POP5: variants seen among roughly 807,000 people sequenced by gnomAD.
POP5 encodes the protein POP5 ribonuclease P/MRP subunit.
In POP5, 18 loss-of-function variants were observed where a neutral mutation model predicts 20.7. The ratio of observed to expected loss-of-function variants is 0.87; its 90% CI spans 0.60 to 1.29. The LOEUF (loss-of-function observed/expected upper bound fraction) is 1.29. Ranked by LOEUF, POP5 falls within the 50% of genes most tolerant of loss-of-function variation. The probability of loss-of-function intolerance (pLI) is 0.00; values close to 1 mark genes in which losing one functional copy is unlikely to be tolerated. For missense variants in POP5, 200 were observed against 203.2 expected (o/e 0.98, Z 0.10); for synonymous variants, 91 against 78.0 (o/e 1.17, Z -0.88).
At position 120,579,578 on chromosome 12, in the gene POP5, C is replaced by T. The variant is rs920666893; in HGVS notation, c.333G>A (p.Gln111=). 1.9e-6 allele frequency: 3 copies of T among 1,613,696 alleles called. No homozygotes were observed. The highest frequency in any genetic ancestry group is 1.3e-5 in the African/African-American group (1 of 74,934). The part of the protein sequence containing the change: ...LHVGGTIRTC[Q]KFLIQYNRRQ... ...TCCTGTTGTACTGAATTAGGAACTT[C>T]TGACATGTTCTTATTGTACCTGGCA... The change falls in exon 4 of 5, where the codon CAG becomes CAA. Residue 111 remains glutamine, a synonymous_variant. Coordinates refer to ENST00000357500, the MANE Select transcript of POP5 (RefSeq NM_015918.4).
intron 2 of POP5, 84 bp downstream of exon 2, chr12:120,581,031 G>C: frequency 6.4e-7 from 1 of 1,556,670 alleles, no homozygotes. Flanking sequence ...GGCCACTCGT[G>C]CCCCTTCTTT....
intron 3 of POP5, 38 bp from the exon 4 acceptor site, chr12:120,579,635 G>C (rs944735386): frequency 1.3e-6 from 2 of 1,590,064 alleles, no homozygotes; most frequent in Admixed American, 1.7e-5. Context: ...GCTTGTGAAA[G>C]ATCTCGACCT....
At chr12:120,580,655 G>C (rs572454250) in intron 2 of POP5, 2 of 162,660 alleles carry the variant, frequency 1.2e-5, no homozygotes, top group Admixed American at 1.2e-4. Flanking sequence ...TGAAAGAAGG[G>C]CCCCTCTGTC....
intron 2 of POP5, 140 bp from the exon 3 acceptor site, chr12:120,580,063 G>A: frequency 1.4e-6 from 1 of 712,244 alleles, no homozygotes; most frequent in South Asian, 1.8e-5. Flanking sequence ...CCAACATGAT[G>A]AAACCCCGTC....
intron 3 of POP5, 30 bp from the exon 4 acceptor site, chr12:120,579,627 T>A (rs771618019): frequency 3.1e-6 from 5 of 1,596,192 alleles, no homozygotes; most frequent in Non-Finnish European, 3.4e-6. Context: ...GGTCAACAGC[T>A]TGTGAAAGAT....
Position 120,581,387 on chromosome 12 carries a change from G to GTT in POP5, c.-26_-25insAA. 1 of 1,606,924 alleles carries GTT rather than the reference G, an allele frequency of 6.2e-7. No homozygotes were observed. The highest frequency in any genetic ancestry group is 8.5e-7 in the Non-Finnish European group (1 of 1,176,964). On this transcript the variant is annotated 5_prime_UTR_variant, in exon 1 of 5. Coordinates refer to ENST00000357500, the MANE Select transcript of POP5 (RefSeq NM_015918.4). ...TGGCTGCCTCCGCGCTCTCCGGTCC[G>GTT]GCGTGCAAACCGGATGTGAATTCTG...
Position 120,579,241 on chromosome 12 carries a change from T to C in POP5, c.*77A>G. The C allele has an allele frequency of 1.5e-6, 2 of 1,303,360 alleles. No homozygotes were observed. Among genetic ancestry groups the C allele is most frequent in the Non-Finnish European group, 2.2e-6 (2 of 899,306 alleles). 80.7% of individuals were successfully genotyped at this position (1,303,360 alleles called of 1,614,324 possible). ...GTTTGGAAAACTGTGGAAGATGCTG[T>C]TGCTACCCAGATTGTTCTGTTCAAC... is the stretch of plus-strand genomic sequence containing the variant. On this transcript the variant is annotated 3_prime_UTR_variant, in exon 5 of 5. Coordinates refer to ENST00000357500, the MANE Select transcript of POP5 (RefSeq NM_015918.4).
chr12:120,580,957 C>G, intron 2 of POP5, 158 bp downstream of exon 2: 1 of 1,190,718 alleles, frequency 8.4e-7, no homozygotes, highest in East Asian at 2.4e-5. Flanking sequence ...CTGCTAATTT[C>G]GGACTCTCGC....
rs746553887 is a variant in POP5 at position 120,579,483 on chromosome 12, G to A, written c.397+31C>T. On this transcript the variant is annotated intron_variant, in intron 4 of 4. Coordinates refer to ENST00000357500, the MANE Select transcript of POP5 (RefSeq NM_015918.4). The stretch of plus-strand genomic sequence containing the variant: ...TTTCTTCAGCTTAAGGTCAGTCACT[G>A]CTCAGTGGGCACTGGGCTAGTGTTG... The A allele has an allele frequency of 4.4e-6, 7 of 1,608,186 alleles. No homozygotes were observed. In the South Asian group the frequency reaches 7.7e-5, roughly 18 times the overall value.
rs116125274 is a variant in POP5 at position 120,579,092 on chromosome 12, A to C, written c.*226T>G. On this transcript the variant is annotated 3_prime_UTR_variant, in exon 5 of 5. Coordinates refer to ENST00000357500, the MANE Select transcript of POP5 (RefSeq NM_015918.4). ...TATTAAATCTACTCTTAGCCAAGCA[A>C]TAAAGATGTCTACAGAGTTCACAAC... The C allele has an allele frequency of 5.2e-6, 3 of 579,396 alleles. No individual in the cohort carries two copies. In the South Asian group the frequency reaches 6.3e-5, roughly 12 times the overall value. 35.9% of individuals were successfully genotyped at this position (579,396 alleles called of 1,614,324 possible).
In POP5 at chr12:120,579,557, G is replaced by A. The variant is rs753854987; in HGVS notation, c.354C>T (p.Asn118=). 3 of 1,614,106 alleles carry A rather than the reference G, an allele frequency of 1.9e-6. No homozygotes were observed. The highest frequency in any genetic ancestry group is 1.6e-4 in the Middle Eastern group (1 of 6,062). The part of the protein sequence containing the change: ...RTCQKFLIQY[N]RRQLLILLQN... ...GCAACAAGATCAACAGCTGTCTCCTGTTGTACTGAATTAGGAACTTCTGAC... is the reference window on the plus strand; with the variant it reads ...GCAACAAGATCAACAGCTGTCTCCTATTGTACTGAATTAGGAACTTCTGAC... The change falls in exon 4 of 5, where the codon AAC becomes AAT. Residue 118 remains asparagine (N), a synonymous_variant. Transcript: ENST00000357500.
At chr12:120,580,257 T>C (rs887729042) in intron 2 of POP5, 5 of 239,754 alleles carry the variant, frequency 2.1e-5, no homozygotes, top group Non-Finnish European at 3.3e-5. Flanking sequence ...AGGAAAACTT[T>C]GGAGTAACAG....
In POP5 at chr12:120,579,552, C is replaced by T. The variant is rs1158619155; in HGVS notation, c.359G>A (p.Arg120Lys). 1.9e-6 allele frequency: 3 copies of T among 1,614,172 alleles called. No homozygotes were observed. Among genetic ancestry groups the T allele is most frequent in the Non-Finnish European group, 2.5e-6 (3 of 1,179,986 alleles). Residue 120 changes from arginine to lysine, a missense_variant, in exon 4 of 5, where the codon AGA becomes AAA. Coordinates refer to ENST00000357500, the MANE Select transcript of POP5 (RefSeq NM_015918.4). ...GTTCTGCAACAAGATCAACAGCTGTCTCCTGTTGTACTGAATTAGGAACTT... is the reference window on the plus strand; with the variant it reads ...GTTCTGCAACAAGATCAACAGCTGTTTCCTGTTGTACTGAATTAGGAACTT... ...CQKFLIQYNRRQLLILLQNCT... is the reference protein window; with the variant it reads ...CQKFLIQYNRKQLLILLQNCT...
chr12:120,579,200 G>A lies in POP5; in HGVS notation c.*118C>T. ...CCATTTCAAGTGGGTAATGTCTGCT[G>A]GTTGGCAGCTATCCAGTTTGGAAAA... On this transcript the variant is annotated 3_prime_UTR_variant, in exon 5 of 5. Transcript: ENST00000357500. 1 of 887,230 alleles carries A rather than the reference G, an allele frequency of 1.1e-6. No individual in the cohort carries two copies. Among genetic ancestry groups the A allele is most frequent in the South Asian group, 1.4e-5 (1 of 69,476 alleles). 55.0% of individuals were successfully genotyped at this position (887,230 alleles called of 1,614,324 possible).
chr12:120,581,049 C>T, intron 2 of POP5, 66 bp downstream of exon 2: 3 of 1,575,904 alleles, frequency 1.9e-6, no homozygotes, highest in Middle Eastern at 2.3e-4. Flanking sequence ...TTTCTTCCTC[C>T]GGCGCCTGCC....
chr12:120,579,921 G>A lies in POP5; in HGVS notation c.166C>T (p.Arg56Ter), dbSNP rs772751327. The change falls in exon 3 of 5, where the codon CGA (arginine) becomes TGA (stop). Residue 56 changes from arginine (R) to a stop codon, truncating the protein, a stop_gained and splice_region_variant. Transcript: ENST00000357500. LOFTEE classifies it high-confidence loss of function. ...AAACSIGFAV[R>*]YLNAYTGIVL... Reference sequence around the variant, plus strand: ...ATTCCAGTATAGGCATTGAGATATCGAACTACAACAGGAAAGAAAAATCAT... The same window carrying A: ...ATTCCAGTATAGGCATTGAGATATCAAACTACAACAGGAAAGAAAAATCAT... The A allele has an allele frequency of 3.7e-6, 6 of 1,612,908 alleles. No homozygotes were observed. The highest frequency in any genetic ancestry group is 5.1e-6 in the Non-Finnish European group (6 of 1,179,514).
chr12:120,579,881 C>T lies in POP5; in HGVS notation c.206G>A (p.Cys69Tyr). The T allele has an allele frequency of 1.2e-6, 2 of 1,612,668 alleles. No homozygotes were observed. Among genetic ancestry groups the T allele is most frequent in the Non-Finnish European group, 1.7e-6 (2 of 1,178,642 alleles). The change falls in exon 3 of 5, where the codon TGC becomes TAC. Residue 69 changes from cysteine (C) to tyrosine (Y), a missense_variant. Cys to Tyr is a radical substitution (Grantham distance 194). Coordinates refer to ENST00000357500, the MANE Select transcript of POP5 (RefSeq NM_015918.4). The stretch of plus-strand genomic sequence containing the variant: ...CACAAGCTGATAGAATTCTTTTCTG[C>T]ATCGAAGTAGCACTATTCCAGTATA... ...NAYTGIVLLR[C>Y]RKEFYQLVWS...
chr12:120,579,779 A>T lies in POP5; in HGVS notation c.308T>A (p.Val103Glu). 1 of 1,606,626 alleles carries T rather than the reference A, an allele frequency of 6.2e-7. No homozygotes were observed. The highest frequency in any genetic ancestry group is 8.5e-7 in the Non-Finnish European group (1 of 1,173,178). The change falls in exon 3 of 5, where the codon GTG becomes GAG. Residue 103 changes from valine (V) to glutamate (E), a missense_variant. Transcript: ENST00000357500. ...RYPCFFNTLH[V>E]GGTIRTCQKF... The stretch of plus-strand genomic sequence containing the variant: ...CCATACCACCTCACTCCTACCTCCC[A>T]CATGTAATGTGTTGAAAAAGCATGG...
chr12:120,580,711 A>C (rs1877818047), intron 2 of POP5: 1 of 221,038 alleles, frequency 4.5e-6, no homozygotes, highest in African/African-American at 2.3e-5. Flanking sequence ...TGTGTTCTGT[A>C]CTTTACCAAC....
Sources: allele counts gnomAD v4.1 joint callset, GRCh38; gene constraint gnomAD v4.1.1; transcripts MANE v1.5; gene names NCBI Gene and HGNC (gene_info 2026-07-23, HGNC 2026-07-21).